Variants in CSMD3 observed in about 807,000 individuals in gnomAD.
CSMD3 encodes CUB and Sushi multiple domains 3.
Under a neutral mutation model 435.2 loss-of-function variants are expected in CSMD3, and 177 were observed. The ratio of observed to expected loss-of-function variants is 0.41; its 90% CI spans 0.36 to 0.46. The LOEUF (loss-of-function observed/expected upper bound fraction) is 0.46, where lower values mean the gene tolerates loss of function less well. Among genes scored for constraint, CSMD3 ranks in the 20% least tolerant of loss-of-function variants. The pLI is 0.34. For synonymous variants in CSMD3, 1,656 were observed against 1,520.5 expected (o/e 1.09, Z -2.07); for missense variants, 4,265 against 4,504.6 (o/e 0.95, Z 1.52).
At chr8:112,726,917 T>C (rs981761751) in intron 13 of CSMD3, among the ~76,000 whole-genome samples, 4 of 151,940 alleles carry the variant, frequency 2.6e-5, no homozygotes, top group African/African-American at 7.2e-5. Flanking sequence ...GGGAATATGA[T>C]TCAAGAGAAA....
At chr8:112,469,423 T>C (rs72676619) in intron 32 of CSMD3, among the ~76,000 whole-genome samples, 5 of 152,076 alleles carry the variant, frequency 3.3e-5, no homozygotes, top group African/African-American at 4.8e-5. Flanking sequence ...TTAACCCCTA[T>C]GTAAAATGCA....
intron 3 of CSMD3, among the ~76,000 whole-genome samples, chr8:113,225,502 AG>A (rs2093016396): frequency 6.6e-6 from 1 of 151,602 alleles, no homozygotes; most frequent in Non-Finnish European, 1.5e-5. Flanking sequence ...AAATTAACAC[AG>A]GAACAGAAAA....
chr8:112,378,752 G>T (rs1829192119), intron 38 of CSMD3, among the ~76,000 whole-genome samples: 1 of 152,060 alleles, frequency 6.6e-6, no homozygotes, highest in Non-Finnish European at 1.5e-5. Context: ...AGGGTGACTA[G>T]AGTTAATGGT....
At chr8:113,286,706 TA>T (rs143953579) in intron 2 of CSMD3, among the ~76,000 whole-genome samples, 48 of 146,860 alleles carry the variant, frequency 3.3e-4, no homozygotes, top group South Asian at 2.2e-3. Context: ...TCTAAGAATG[TA>T]AAAAAAAAAG....
At chr8:113,022,009 C>T (rs1220148829) in intron 5 of CSMD3, among the ~76,000 whole-genome samples, 7 of 152,166 alleles carry the variant, frequency 4.6e-5, no homozygotes, top group Non-Finnish European at 1.0e-4. Context: ...AGGCGAGTCA[C>T]ATGGGCTTTG....
intron 6 of CSMD3, among the ~76,000 whole-genome samples, chr8:112,987,173 T>A (rs72683807): frequency 0.022 from 3,405 of 152,180 alleles, 59 homozygotes; most frequent in South Asian, 0.031. Context: ...ATTAGTGTAG[T>A]TTTAAATATC....
intron 26 of CSMD3, among the ~76,000 whole-genome samples, chr8:112,552,000 C>T (rs1022291259): frequency 5.3e-5 from 8 of 151,830 alleles, no homozygotes; most frequent in Non-Finnish European, 1.2e-4. Flanking sequence ...TGACTCTGTA[C>T]TTATCTAAGG....
chr8:112,238,327 T>C (rs1457247443), intron 66 of CSMD3, among the ~76,000 whole-genome samples: 1 of 152,022 alleles, frequency 6.6e-6, no homozygotes, highest in African/African-American at 2.4e-5. Context: ...TATGCATGTA[T>C]CACACTTCTT....
chr8:113,277,780 T>C (rs114016830), intron 3 of CSMD3, among the ~76,000 whole-genome samples: 2 of 151,960 alleles, frequency 1.3e-5, no homozygotes, highest in African/African-American at 4.8e-5. Context: ...AATTTTATTG[T>C]CAAATCACAT....
At chr8:113,001,155 G>A (rs1407933261) in intron 6 of CSMD3, among the ~76,000 whole-genome samples, 2 of 151,878 alleles carry the variant, frequency 1.3e-5, no homozygotes, top group African/African-American at 2.4e-5. Flanking sequence ...GCAACACAAC[G>A]CTGTTTCCTA....
At chr8:113,240,417 T>C (rs1330235400) in intron 3 of CSMD3, among the ~76,000 whole-genome samples, 1 of 152,188 alleles carries the variant, frequency 6.6e-6, no homozygotes. Context: ...TCTCTAGGGC[T>C]CTGAGGAATT....
intron 1 of CSMD3, among the ~76,000 whole-genome samples, chr8:113,358,852 T>C (rs1309029398): frequency 6.6e-6 from 1 of 152,014 alleles, no homozygotes; most frequent in African/African-American, 2.4e-5. Flanking sequence ...GAGTAGTAGC[T>C]CTGGATTCAA....
intron 36 of CSMD3, among the ~76,000 whole-genome samples, chr8:112,387,743 T>C (rs530201481): frequency 6.6e-6 from 1 of 152,332 alleles, no homozygotes; most frequent in East Asian, 1.9e-4. Flanking sequence ...GTGTCCAGTT[T>C]TGAATAGTGT....
chr8:112,805,351 A>C (rs1019455545), intron 12 of CSMD3, among the ~76,000 whole-genome samples: 1 of 152,156 alleles, frequency 6.6e-6, no homozygotes, highest in Non-Finnish European at 1.5e-5. Flanking sequence ...TTTGGGCCCT[A>C]GCAAGTGGTT....
intron 23 of CSMD3, among the ~76,000 whole-genome samples, chr8:112,576,491 A>G (rs375988766): frequency 3.9e-5 from 6 of 152,032 alleles, no homozygotes; most frequent in Admixed American, 3.9e-4. Flanking sequence ...TGTATATTAG[A>G]TTAGAAGCAC....
chr8:113,112,413 A>T, intron 4 of CSMD3, among the ~76,000 whole-genome samples: 1 of 7,532 alleles, frequency 1.3e-4, no homozygotes, highest in Non-Finnish European at 2.1e-4. Context: ...ATATATATAT[A>T]TATATATATA....
intron 4 of CSMD3, among the ~76,000 whole-genome samples, chr8:113,105,004 G>T (rs2090432591): frequency 6.6e-6 from 1 of 152,026 alleles, no homozygotes; most frequent in African/African-American, 2.4e-5. Flanking sequence ...ATAAGTATGT[G>T]TTTTTAAACA....
At chr8:112,442,472 T>G (rs1815135771) in intron 32 of CSMD3, among the ~76,000 whole-genome samples, 1 of 152,188 alleles carries the variant, frequency 6.6e-6, no homozygotes, top group Non-Finnish European at 1.5e-5. Flanking sequence ...CATAGGCAAA[T>G]TTCTCTAATC....
intron 3 of CSMD3, among the ~76,000 whole-genome samples, chr8:113,222,278 T>G (rs907175350): frequency 6.6e-6 from 1 of 151,130 alleles, no homozygotes. Flanking sequence ...CTAAAAATTA[T>G]ATTCACTAAT....
Sources: allele counts gnomAD v4.1 joint callset (sites outside exome capture counted in the v4.1 genomes callset), GRCh38; gene constraint gnomAD v4.1.1; transcripts MANE v1.5; gene names NCBI Gene and HGNC (gene_info 2026-07-23, HGNC 2026-07-21).